Variants in DNAJC1 observed in about 807,000 individuals in gnomAD.
DNAJC1 encodes DnaJ heat shock protein family (Hsp40) member C1.
DNAJC1 carries 58 observed loss-of-function variants against 76.6 expected under a neutral mutation model. The ratio of observed to expected loss-of-function variants is 0.76; its 90% CI spans 0.61 to 0.94. DNAJC1 has a LOEUF of 0.94. DNAJC1 is among the 40% of genes least tolerant of loss of function. The pLI, the probability that DNAJC1 is intolerant of heterozygous loss-of-function variation, is 0.00. For synonymous variants in DNAJC1, 258 were observed against 267.9 expected (o/e 0.96, Z 0.36); for missense variants, 689 against 677.3 (o/e 1.02, Z -0.19).
chr10:21,898,341 G>A (rs1344555465), intron 7 of DNAJC1, among the ~76,000 whole-genome samples: 1 of 151,952 alleles, frequency 6.6e-6, no homozygotes, highest in Non-Finnish European at 1.5e-5. Flanking sequence ...GTCAACAATG[G>A]TCCACATATA....
At chr10:21,921,084 G>A (rs1280387546) in intron 3 of DNAJC1, 121 bp from the exon 4 acceptor site, 1 of 835,942 alleles carries the variant, frequency 1.2e-6, no homozygotes, top group Non-Finnish European at 1.8e-6. Context: ...TAATGTTTAT[G>A]TACGTTCCCA....
At chr10:21,842,174 C>A (rs1479524277) in intron 8 of DNAJC1, among the ~76,000 whole-genome samples, 1 of 151,096 alleles carries the variant, frequency 6.6e-6, no homozygotes, top group Non-Finnish European at 1.5e-5. Flanking sequence ...GTGCAGCACA[C>A]CAACATGGCA....
chr10:21,813,218 CTCTATA>C (rs1414776337), intron 8 of DNAJC1, among the ~76,000 whole-genome samples: 62 of 29,622 alleles, frequency 2.1e-3, no homozygotes, highest in East Asian at 5.4e-3. Flanking sequence ...CTCTCTCTCT[CTCTATA>C]TATATATATA....
chr10:21,930,167 G>C (rs1468635342), intron 1 of DNAJC1, among the ~76,000 whole-genome samples: 1 of 152,134 alleles, frequency 6.6e-6, no homozygotes, highest in East Asian at 1.9e-4. Context: ...GTAGAAATGG[G>C]GTTTCCCCAG....
At chr10:21,842,599 A>G (rs983220867) in intron 8 of DNAJC1, among the ~76,000 whole-genome samples, 11 of 152,242 alleles carry the variant, frequency 7.2e-5, no homozygotes, top group South Asian at 2.1e-4. Flanking sequence ...AGATAGCTAT[A>G]AAGAATAGGC....
intron 7 of DNAJC1, among the ~76,000 whole-genome samples, chr10:21,884,316 G>T (rs1312293951): frequency 6.6e-6 from 1 of 151,996 alleles, no homozygotes; most frequent in Non-Finnish European, 1.5e-5. Flanking sequence ...AAGAAAAGAG[G>T]CTCATACACT....
rs186047290 is a variant in DNAJC1, at chr10:21,931,404, G to A, written c.223-2263C>T. On this transcript the variant is annotated intron_variant, in intron 1 of 11. Coordinates refer to ENST00000376980, the MANE Select transcript of DNAJC1 (RefSeq NM_022365.4). ...AATAAATTCTACCTCAAGTAGATAC[G>A]GTGAAAAACATGAAGATTTTCTTAT... Among the ~76,000 whole-genome samples, 719 of 152,240 alleles carry A rather than the reference G, an allele frequency of 4.7e-3. 2 individuals carry two copies. The highest frequency in any genetic ancestry group is 0.016 in the African/African-American group (683 of 41,548).
intron 1 of DNAJC1, among the ~76,000 whole-genome samples, chr10:21,964,708 GTT>G (rs367817626): frequency 2.2e-5 from 3 of 133,950 alleles, no homozygotes; most frequent in African/African-American, 5.5e-5. Flanking sequence ...AAGTCTGTTG[GTT>G]TTTTTTTTTT....
chr10:21,991,978 GCTGA>G (rs1249626070), intron 1 of DNAJC1, among the ~76,000 whole-genome samples: 2 of 152,196 alleles, frequency 1.3e-5, no homozygotes, highest in Admixed American at 6.5e-5. Context: ...CACGGATTTT[GCTGA>G]CTTAGTACAA....
intron 8 of DNAJC1, among the ~76,000 whole-genome samples, chr10:21,869,153 C>A (rs1439666557): frequency 6.9e-6 from 1 of 145,694 alleles, no homozygotes; most frequent in Non-Finnish European, 1.5e-5. Flanking sequence ...CTTTTCAGGT[C>A]TGATAAGACA....
intron 7 of DNAJC1, among the ~76,000 whole-genome samples, chr10:21,890,793 T>TA (rs1444856214): frequency 6.6e-6 from 1 of 152,140 alleles, no homozygotes; most frequent in Non-Finnish European, 1.5e-5. Context: ...ATAATACCCC[T>TA]AAATGTCCAA....
chr10:22,001,921 G>C (rs919680144), intron 1 of DNAJC1, among the ~76,000 whole-genome samples: 1 of 152,162 alleles, frequency 6.6e-6, no homozygotes, highest in African/African-American at 2.4e-5. Flanking sequence ...TAAGCAGGGA[G>C]GGGCACCAGG....
chr10:21,806,630 T>C (rs905237307), intron 8 of DNAJC1, among the ~76,000 whole-genome samples: 1 of 152,152 alleles, frequency 6.6e-6, no homozygotes, highest in African/African-American at 2.4e-5. Flanking sequence ...TGACACTTTA[T>C]GATCATTCTA....
chr10:21,993,413 A>G (rs1042206373), intron 1 of DNAJC1, among the ~76,000 whole-genome samples: 1 of 152,112 alleles, frequency 6.6e-6, no homozygotes, highest in African/African-American at 2.4e-5. Flanking sequence ...TCACTATCTC[A>G]GCATGCTTGC....
At chr10:21,831,784 C>T (rs550696595) in intron 8 of DNAJC1, among the ~76,000 whole-genome samples, 1 of 91,690 alleles carries the variant, frequency 1.1e-5, no homozygotes, top group South Asian at 5.1e-4. Context: ...AGCGAGACTC[C>T]ATCTCAAAAA....
In DNAJC1 at chr10:21,921,687, T is replaced by C. The variant is rs1003923253; in HGVS notation, c.372-724A>G. ...GGCTTTTGCTGGAAGAGAAGAACAT[T>C]AACAAGTAAAAGCTTTCCTAGTCCT... On this transcript the variant is annotated intron_variant, in intron 3 of 11. Coordinates refer to ENST00000376980, the MANE Select transcript of DNAJC1 (RefSeq NM_022365.4). Among the ~76,000 whole-genome samples, 5 of 152,106 alleles carry C rather than the reference T, an allele frequency of 3.3e-5. No homozygotes were observed. The Middle Eastern group carries it at 0.01, about 310-fold the overall frequency.
chr10:21,880,693 G>A (rs1266474147), intron 8 of DNAJC1, among the ~76,000 whole-genome samples: 1 of 152,148 alleles, frequency 6.6e-6, no homozygotes, highest in African/African-American at 2.4e-5. Flanking sequence ...CTGTCATCCA[G>A]GCTTTATTGT....
At chr10:21,999,319 A>C (rs1467586588) in intron 1 of DNAJC1, among the ~76,000 whole-genome samples, 1 of 152,078 alleles carries the variant, frequency 6.6e-6, no homozygotes, top group Admixed American at 6.5e-5. Flanking sequence ...TCATCATTTA[A>C]CCCAGCTGAT....
At chr10:21,816,535 GTCTC>G (rs1188943932) in intron 8 of DNAJC1, among the ~76,000 whole-genome samples, 28 of 148,472 alleles carry the variant, frequency 1.9e-4, no homozygotes, top group African/African-American at 4.2e-4. Flanking sequence ...AAGAGACACT[GTCTC>G]TCTCTCTTTT....
Sources: allele counts gnomAD v4.1 joint callset (sites outside exome capture counted in the v4.1 genomes callset), GRCh38; gene constraint gnomAD v4.1.1; transcripts MANE v1.5; gene names NCBI Gene and HGNC (gene_info 2026-07-23, HGNC 2026-07-21).